Variants in ATP8A2 observed in about 807,000 individuals in gnomAD.
ATP8A2 encodes phospholipid-transporting ATPase IB.
ATP8A2 carries 100 observed loss-of-function variants against 165.6 expected under a neutral mutation model. That is an observed-to-expected ratio of 0.60 (90% confidence interval 0.51 to 0.71). The LOEUF (loss-of-function observed/expected upper bound fraction) is 0.71, where lower values mean the gene tolerates loss of function less well. ATP8A2 is among the 30% of genes least tolerant of loss of function. The pLI is 0.00. For synonymous variants in ATP8A2, 543 were observed against 548.8 expected (o/e 0.99, Z 0.15); for missense variants, 1,227 against 1,479.5 (o/e 0.83, Z 2.80).
At chr13:25,494,895 T>C in intron 2 of ATP8A2, among the ~76,000 whole-genome samples, 1 of 152,234 alleles carries the variant, frequency 6.6e-6, no homozygotes. Flanking sequence ...AATGTCCTTC[T>C]AGTTCCCTAG....
intron 1 of ATP8A2, among the ~76,000 whole-genome samples, chr13:25,438,227 T>G (rs2034832884): frequency 6.6e-6 from 1 of 152,156 alleles, no homozygotes; most frequent in Admixed American, 6.5e-5. Context: ...AGCCTACCTC[T>G]AAAAACCGCC....
intron 2 of ATP8A2, among the ~76,000 whole-genome samples, chr13:25,524,322 A>C (rs1476511323): frequency 6.6e-6 from 1 of 152,198 alleles, no homozygotes; most frequent in Non-Finnish European, 1.5e-5. Flanking sequence ...AATGAAAAGA[A>C]AATGCATTCT....
chr13:25,753,003 G>A (rs886435097), intron 25 of ATP8A2, among the ~76,000 whole-genome samples: 2 of 152,150 alleles, frequency 1.3e-5, no homozygotes, highest in African/African-American at 4.8e-5. Flanking sequence ...TTGCACTGTG[G>A]AGTACTGGGG....
At position 25,585,698 on chromosome 13, in the gene ATP8A2, C is replaced by T. The variant is rs2039903174; in HGVS notation, c.2146+3741C>T. Reference sequence around the variant, plus strand: ...TTTTAGGAAGTGACTCAATATGTCACTTGCCCCTCCTGTAATTGCCTGTAC... The same window carrying T: ...TTTTAGGAAGTGACTCAATATGTCATTTGCCCCTCCTGTAATTGCCTGTAC... On this transcript the variant is annotated intron_variant, in intron 23 of 36. Coordinates refer to ENST00000381655, the MANE Select transcript of ATP8A2 (RefSeq NM_016529.6). Among the ~76,000 whole-genome samples, 3 of 152,180 alleles carry T rather than the reference C, an allele frequency of 2.0e-5. No individual in the cohort carries two copies. The South Asian group carries it at 6.2e-4, about 32-fold the overall frequency.
At chr13:25,977,267 G>A (rs371849464) in intron 35 of ATP8A2, among the ~76,000 whole-genome samples, 2 of 151,796 alleles carry the variant, frequency 1.3e-5, no homozygotes, top group East Asian at 1.9e-4. Context: ...GCCTAATGCC[G>A]GCAAACATTT....
intron 30 of ATP8A2, among the ~76,000 whole-genome samples, chr13:25,852,561 G>A (rs1379259139): frequency 6.6e-6 from 1 of 152,176 alleles, no homozygotes; most frequent in East Asian, 1.9e-4. Context: ...TCCATTAGGT[G>A]TCAGTATTTC....
At chr13:25,995,854 A>G (rs917514322) in intron 35 of ATP8A2, among the ~76,000 whole-genome samples, 2 of 152,134 alleles carry the variant, frequency 1.3e-5, no homozygotes, top group Non-Finnish European at 1.5e-5. Context: ...TGTACTATCC[A>G]TTGTTGAATG....
chr13:25,973,608 TTC>T (rs1955961408), intron 35 of ATP8A2, among the ~76,000 whole-genome samples: 1 of 152,250 alleles, frequency 6.6e-6, no homozygotes, highest in East Asian at 1.9e-4. Flanking sequence ...CCCGAATGCA[TTC>T]TGAGTGAGTA....
chr13:26,007,903 G>T (rs568917273), intron 35 of ATP8A2, among the ~76,000 whole-genome samples: 9 of 152,180 alleles, frequency 5.9e-5, no homozygotes, highest in African/African-American at 1.7e-4. Flanking sequence ...TGCCATTTTA[G>T]TGAAACAGAA....
At chr13:25,831,510 G>A (rs112723490) in intron 28 of ATP8A2, among the ~76,000 whole-genome samples, 5,012 of 152,212 alleles carry the variant, frequency 0.033, 117 homozygotes, top group South Asian at 0.071. Context: ...ACCACACTCA[G>A]CCTCTCAAAC....
intron 25 of ATP8A2, among the ~76,000 whole-genome samples, chr13:25,749,497 G>A (rs1593290328): frequency 1.3e-5 from 2 of 152,272 alleles, no homozygotes; most frequent in South Asian, 4.1e-4. Context: ...TGGGAATGTG[G>A]GTGAGGAGGG....
At chr13:25,717,944 T>G (rs1021158595) in intron 25 of ATP8A2, among the ~76,000 whole-genome samples, 3 of 152,234 alleles carry the variant, frequency 2.0e-5, no homozygotes, top group Non-Finnish European at 2.9e-5. Context: ...TTATGTGTTT[T>G]TTATGATAGT....
chr13:25,920,913 CA>C (rs781135674), intron 33 of ATP8A2, among the ~76,000 whole-genome samples: 1 of 151,900 alleles, frequency 6.6e-6, no homozygotes, highest in African/African-American at 2.4e-5. Context: ...ACTAAAAATA[CA>C]AAAAAATTAG....
intron 1 of ATP8A2, among the ~76,000 whole-genome samples, chr13:25,441,522 C>G (rs1423716687): frequency 2.0e-5 from 3 of 152,166 alleles, no homozygotes; most frequent in African/African-American, 7.2e-5. Context: ...TGGGCTTCTC[C>G]TGGCCTCTCA....
At position 25,577,015 on chromosome 13, in the gene ATP8A2, G is replaced by T. The variant is rs1203367103; in HGVS notation, c.1713-54G>T. On this transcript the variant is annotated intron_variant, in intron 19 of 36. Coordinates refer to ENST00000381655, the MANE Select transcript of ATP8A2 (RefSeq NM_016529.6). ...TGTTTTGATTGGTGTTCAGCTGTGGGATATGCATCCTGTAAACAGACCAAT... is the reference window on the plus strand; with the variant it reads ...TGTTTTGATTGGTGTTCAGCTGTGGTATATGCATCCTGTAAACAGACCAAT... 2.8e-6 allele frequency: 4 copies of T among 1,419,972 alleles called. No homozygotes were observed. The East Asian group carries it at 6.8e-5, about 24-fold the overall frequency. 88.0% of individuals were successfully genotyped at this position (1,419,972 alleles called of 1,614,324 possible). A position where few individuals can be genotyped will look rare whatever the true frequency, so the allele number is the denominator to read the frequency against.
chr13:25,743,186 T>C lies in ATP8A2; in HGVS notation c.2385-25860T>C, dbSNP rs374943526. Reference sequence around the variant, plus strand: ...TGGACACAGGCACACAGGAAGAACGTCATGTGAAGATGAAGGCAGAGGTTG... The same window carrying C: ...TGGACACAGGCACACAGGAAGAACGCCATGTGAAGATGAAGGCAGAGGTTG... On this transcript the variant is annotated intron_variant, in intron 25 of 36. Coordinates refer to ENST00000381655, the MANE Select transcript of ATP8A2 (RefSeq NM_016529.6). Among the ~76,000 whole-genome samples, 6 of 152,112 alleles carry C rather than the reference T, an allele frequency of 3.9e-5. No individual in the cohort carries two copies. In the East Asian group the frequency reaches 1.2e-3, roughly 30 times the overall value.
chr13:25,461,844 A>AGAG (rs2035511559), intron 1 of ATP8A2, among the ~76,000 whole-genome samples: 3 of 98,026 alleles, frequency 3.1e-5, no homozygotes, highest in Non-Finnish European at 6.6e-5. Context: ...AAGAAGAAGG[A>AGAG]GAAGAAGAAG....
intron 11 of ATP8A2, among the ~76,000 whole-genome samples, chr13:25,553,185 C>A (rs1377010507): frequency 7.0e-6 from 1 of 142,788 alleles, no homozygotes; most frequent in African/African-American, 2.5e-5. Context: ...CAGACCTTGT[C>A]CCCCTCTCCC....
At chr13:25,506,466 C>A (rs915079680) in intron 2 of ATP8A2, among the ~76,000 whole-genome samples, 1 of 152,294 alleles carries the variant, frequency 6.6e-6, no homozygotes, top group East Asian at 1.9e-4. Flanking sequence ...TGGACATTTG[C>A]GTATTTCAGA....
Sources: gnomAD v4.1 joint callset for allele counts (sites outside exome capture counted in the v4.1 genomes callset) on GRCh38, gnomAD v4.1.1 for gene constraint, MANE v1.5 for transcripts, NCBI Gene and HGNC (gene_info 2026-07-23, HGNC 2026-07-21) for gene names.